Variants in AGBL1 observed in about 807,000 individuals in gnomAD.
AGBL1 encodes the protein cytosolic carboxypeptidase 4.
A neutral mutation model predicts 118.9 loss-of-function variants in AGBL1; 130 were observed. That is an observed-to-expected ratio of 1.09 (90% confidence interval 0.95 to 1.26). The LOEUF (loss-of-function observed/expected upper bound fraction) is 1.26. Ranked by LOEUF, AGBL1 falls within the 50% of genes most tolerant of loss-of-function variation. AGBL1 has a pLI of 0.00. For missense variants in AGBL1, 1,584 were observed against 1,298.1 expected (o/e 1.22, Z -3.38); for synonymous variants, 555 against 478.9 (o/e 1.16, Z -2.08).
At chr15:86,279,521 C>A (rs1475905257) in intron 15 of AGBL1, 118 bp from the exon 16 acceptor site, 3 of 939,394 alleles carry the variant, frequency 3.2e-6, no homozygotes, top group African/African-American at 1.7e-5. Context: ...CAAGTGAAGG[C>A]CATTGTGCCA....
chr15:86,196,572 G>T (rs1003903901), intron 5 of AGBL1, among the ~76,000 whole-genome samples: 8 of 152,170 alleles, frequency 5.3e-5, no homozygotes, highest in African/African-American at 1.7e-4. Flanking sequence ...ACATGGGGTG[G>T]GTAATACCTG....
chr15:86,151,488 A>G (rs2077110026), intron 3 of AGBL1, among the ~76,000 whole-genome samples: 1 of 152,180 alleles, frequency 6.6e-6, no homozygotes, highest in South Asian at 2.1e-4. Context: ...CTTCATGCTA[A>G]AAACTCTCAA....
rs1567208364 is a variant in AGBL1, at chr15:86,854,561, G to A, written c.3159-52526G>A. ...AGTCAATTTGGAGCCAGTGTTACATGCACACAACCTGATTTTATTTCCATT... is the reference window on the plus strand; with the variant it reads ...AGTCAATTTGGAGCCAGTGTTACATACACACAACCTGATTTTATTTCCATT... On this transcript the variant is annotated intron_variant, in intron 22 of 22. Transcript: ENST00000614907. Among the ~76,000 whole-genome samples the A allele has an allele frequency of 2.6e-5, 4 of 152,154 alleles. No homozygotes were observed. In the South Asian group the frequency reaches 6.2e-4, roughly 24 times the overall value.
chr15:86,763,823 A>T (rs946991219), intron 22 of AGBL1, among the ~76,000 whole-genome samples: 2 of 152,056 alleles, frequency 1.3e-5, no homozygotes, highest in African/African-American at 4.8e-5. Flanking sequence ...CAAACAGTGC[A>T]TGATTTTCCA....
chr15:86,299,089 G>C (rs1289250800), intron 17 of AGBL1, among the ~76,000 whole-genome samples: 1 of 152,112 alleles, frequency 6.6e-6, no homozygotes, highest in Non-Finnish European at 1.5e-5. Flanking sequence ...CACCAGATTT[G>C]CCAGCTGTGT....
rs576011430 is a variant in AGBL1 at position 86,868,316 on chromosome 15, G to A, written c.3159-38771G>A. Among the ~76,000 whole-genome samples the A allele has an allele frequency of 1.1e-4, 17 of 152,338 alleles. 1 individual carries two copies. The East Asian group carries it at 3.3e-3, about 29-fold the overall frequency. ...ATTCATATGTGGCACTAACTGTATA[G>A]CACAAAGCTTGCATATAGCTAACCA... On this transcript the variant is annotated intron_variant, in intron 22 of 22. Transcript: ENST00000614907.
chr15:86,769,536 C>A (rs2078143365), intron 22 of AGBL1, among the ~76,000 whole-genome samples: 1 of 151,974 alleles, frequency 6.6e-6, no homozygotes, highest in Admixed American at 6.6e-5. Flanking sequence ...TGCAAGTAAT[C>A]TTGTCCAAGA....
At chr15:86,316,430 C>T (rs376573187) in intron 17 of AGBL1, among the ~76,000 whole-genome samples, 3 of 152,274 alleles carry the variant, frequency 2.0e-5, no homozygotes, top group South Asian at 2.1e-4. Context: ...AGCCATCAAA[C>T]GCAGGAGTGA....
rs1395263879 is a variant in AGBL1 at position 86,155,449 on chromosome 15, T to TA, written c.394+895dup. On this transcript the variant is annotated intron_variant, in intron 4 of 22. Transcript: ENST00000614907. ...TGGGTGACAGAGTGAGACCTTGTCT[T>TA]AAAAAAATAAAAAAAGTGAAGCGAT... 2.0e-5 allele frequency among the ~76,000 whole-genome samples: 3 copies of TA among 152,132 alleles called. No homozygotes were observed. The South Asian group carries it at 6.2e-4, about 32-fold the overall frequency.
intron 1 of AGBL1, among the ~76,000 whole-genome samples, chr15:86,108,757 A>G (rs968856277): frequency 2.6e-5 from 4 of 152,054 alleles, no homozygotes; most frequent in Admixed American, 6.5e-5. Context: ...AAGAGATCGA[A>G]GCCATCCTGG....
chr15:86,782,257 A>G (rs1340541738), intron 22 of AGBL1, among the ~76,000 whole-genome samples: 1 of 151,988 alleles, frequency 6.6e-6, no homozygotes, highest in Non-Finnish European at 1.5e-5. Context: ...ATTATTTGAC[A>G]ATAGTATTTA....
intron 1 of AGBL1, among the ~76,000 whole-genome samples, chr15:86,134,760 C>T (rs186582931): frequency 1.1e-4 from 17 of 151,678 alleles, no homozygotes; most frequent in Admixed American, 3.9e-4. Context: ...ATTACAGGCA[C>T]GTGCCACTAC....
chr15:86,674,369 C>T lies in AGBL1; in HGVS notation c.3091C>T (p.Gln1031Ter). The T allele has an allele frequency of 1.9e-6, 3 of 1,613,090 alleles. No individual in the cohort carries two copies. The highest frequency in any genetic ancestry group is 2.5e-6 in the Non-Finnish European group (3 of 1,179,556). ...LELKSASCSH[Q>*]LLAQAATLLS... is the part of the protein sequence containing the mutation. ...GCTCAAATCTGCCAGCTGCAGCCATCAGCTCCTGGCTCAAGCTGCAACTCT... is the reference window on the plus strand; with the variant it reads ...GCTCAAATCTGCCAGCTGCAGCCATTAGCTCCTGGCTCAAGCTGCAACTCT... Residue 1031 changes from glutamine to a stop codon, truncating the protein, a stop_gained, in exon 22 of 23, where the codon CAG becomes TAG. Coordinates refer to ENST00000614907, the MANE Select transcript of AGBL1 (RefSeq NM_001386094.1). LOFTEE classifies it high-confidence loss of function.
In AGBL1 at chr15:86,886,438, GT is replaced by G. The variant is rs1323212075; in HGVS notation, c.3159-20647del. Reference sequence around the variant, plus strand: ...GTAATGAAAGCAGCAGAGATATTTGGTTATCCCTAATCTGGAAGTGGAGTGT... The same window carrying G: ...GTAATGAAAGCAGCAGAGATATTTGGTATCCCTAATCTGGAAGTGGAGTGT... On this transcript the variant is annotated intron_variant, in intron 22 of 22. Transcript: ENST00000614907. Among the ~76,000 whole-genome samples the G allele has an allele frequency of 2.6e-5, 4 of 152,218 alleles. No homozygotes were observed. The East Asian group carries it at 7.7e-4, about 29-fold the overall frequency.
chr15:86,663,898 A>G (rs983724728), intron 21 of AGBL1, among the ~76,000 whole-genome samples: 6 of 152,144 alleles, frequency 3.9e-5, no homozygotes, highest in African/African-American at 1.4e-4. Flanking sequence ...CTACCTAATG[A>G]TATAGTCTCT....
intron 24 of AGBL1, among the ~76,000 whole-genome samples, chr15:87,012,406 AT>A (rs1567286768): frequency 6.6e-6 from 1 of 152,190 alleles, no homozygotes; most frequent in African/African-American, 2.4e-5. Flanking sequence ...AAGGAAATGT[AT>A]TTAACCTCAA....
chr15:86,849,494 G>T (rs1326762559), intron 22 of AGBL1, among the ~76,000 whole-genome samples: 1 of 150,078 alleles, frequency 6.7e-6, no homozygotes, highest in Admixed American at 6.7e-5. Context: ...TGAAAATAAG[G>T]TGATGGCTTT....
intron 4 of AGBL1, among the ~76,000 whole-genome samples, chr15:86,157,733 A>G (rs1048612997): frequency 6.6e-6 from 1 of 152,172 alleles, no homozygotes. Flanking sequence ...AAAGCTTTCT[A>G]AACAGCTCCT....
chr15:87,017,432 C>T (rs1370537771), intron 24 of AGBL1, among the ~76,000 whole-genome samples: 1 of 152,162 alleles, frequency 6.6e-6, no homozygotes, highest in Non-Finnish European at 1.5e-5. Flanking sequence ...AAGGAAGAAG[C>T]AGGCTGCAAT....
Sources: gnomAD v4.1 joint callset for allele counts (sites outside exome capture counted in the v4.1 genomes callset) on GRCh38, gnomAD v4.1.1 for gene constraint, MANE v1.5 for transcripts, NCBI Gene and HGNC (gene_info 2026-07-23, HGNC 2026-07-21) for gene names.